NEK2: variants seen among roughly 807,000 people sequenced by gnomAD.
NEK2 encodes the protein serine/threonine-protein kinase Nek2.
In NEK2, 28 loss-of-function variants were observed where a neutral mutation model predicts 54.1. That is an observed-to-expected ratio of 0.52 (90% confidence interval 0.38 to 0.71). The LOEUF is 0.71. NEK2 is among the 30% of genes least tolerant of loss of function. The pLI is 0.00. For missense variants in NEK2, 407 were observed against 531.5 expected (o/e 0.77, Z 2.30); for synonymous variants, 176 against 193.1 (o/e 0.91, Z 0.73).
At chr1:211,662,601 T>C (rs1445764052), downstream of NEK2, among the ~76,000 whole-genome samples, 1 of 152,256 alleles carries the variant, frequency 6.6e-6, no homozygotes, top group East Asian at 1.9e-4. This position sits in a 1 kb window ranked among gnomAD's most constrained non-coding sequence, Gnocchi z 4.2. Context: ...ACCACTGGCT[T>C]ACATACATGG....
downstream of NEK2, chr1:211,661,164 TCA>T: frequency 1.4e-6 from 1 of 739,778 alleles, no homozygotes; most frequent in South Asian, 1.4e-5. Flanking sequence ...CATCTCATCC[TCA>T]GTCAGCACCC....
At chr1:211,672,828 CAT>C (rs1335662724) in intron 3 of NEK2, among the ~76,000 whole-genome samples, 1 of 152,096 alleles carries the variant, frequency 6.6e-6, no homozygotes, top group Non-Finnish European at 1.5e-5. Context: ...TTTAATGCAT[CAT>C]AGTCATTCCA....
Position 211,675,485 on chromosome 1 carries a change from G to T in NEK2, c.-6C>A. The T allele has an allele frequency of 6.2e-7, 1 of 1,611,694 alleles. No individual in the cohort carries two copies. The highest frequency in any genetic ancestry group is 1.9e-4 in the Middle Eastern group (1 of 5,168). On this transcript the variant is annotated 5_prime_UTR_variant, in exon 1 of 8. Transcript: ENST00000366999. ...TCCTCAGCCCGGGAAGGCATGGCCG[G>T]CCAGTCGCCAGAGTCGCGCTGCCTC...
In NEK2 at chr1:211,671,217, TCATACA is replaced by T. The variant is rs1655377354; in HGVS notation, c.617_622del (p.Leu206_Glu208delinsGln). On this transcript the variant is annotated inframe_deletion, in exon 4 of 8. Transcript: ENST00000366999. ...TCATACTTACATTAATGCACATAAC[TCATACA>T]GCAAGCAGCCCAATGACCAGATATC... 4 of 1,612,314 alleles carry T rather than the reference TCATACA, an allele frequency of 2.5e-6. No homozygotes were observed. In the East Asian group the frequency reaches 8.9e-5, roughly 36 times the overall value.
downstream of NEK2, chr1:211,660,865 T>G: frequency 4.2e-6 from 3 of 719,282 alleles, no homozygotes; most frequent in South Asian, 1.4e-5. Context: ...CATAGCATCA[T>G]TGACAGCATC....
intron 3 of NEK2, 125 bp downstream of exon 3, chr1:211,673,358 G>A: frequency 1.7e-6 from 2 of 1,144,136 alleles, no homozygotes; most frequent in East Asian, 2.6e-5. Flanking sequence ...AGATTGCAGT[G>A]AGCCCAGATC....
At chr1:211,673,435 CAAAAAT>C in intron 3 of NEK2, 42 bp downstream of exon 3, 1 of 1,605,690 alleles carries the variant, frequency 6.2e-7, no homozygotes, top group Non-Finnish European at 8.5e-7. Context: ...AACAAGAAAA[CAAAAAT>C]AAAAGATGTT....
intron 7 of NEK2, chr1:211,666,402 A>C (rs1655179277): frequency 1.4e-6 from 1 of 700,002 alleles, no homozygotes; most frequent in Non-Finnish European, 1.8e-6. Context: ...GCTTTCTATG[A>C]AAAATGAGGC....
chr1:211,673,406 T>G, intron 3 of NEK2, 77 bp downstream of exon 3: 1 of 1,565,920 alleles, frequency 6.4e-7, no homozygotes, highest in Non-Finnish European at 8.7e-7. Context: ...AGAGCGAGAC[T>G]CTGTCTCAAA....
chr1:211,667,363 A>T (rs1362602586), intron 6 of NEK2, 132 bp from the exon 7 acceptor site: 2 of 768,010 alleles, frequency 2.6e-6, no homozygotes, highest in Non-Finnish European at 2.0e-6. Context: ...AAGGATTCTC[A>T]CTATGCCTCA....
intron 3 of NEK2, 25 bp from the exon 4 acceptor site, chr1:211,671,309 A>G (rs1490770674): frequency 6.5e-7 from 1 of 1,533,872 alleles, no homozygotes; most frequent in Non-Finnish European, 9.0e-7. Context: ...AGGGTAAGAA[A>G]GTGGAAGGTG....
intron 7 of NEK2, chr1:211,666,723 C>T (rs904570947): frequency 5.8e-5 from 18 of 310,514 alleles, no homozygotes; most frequent in Non-Finnish European, 2.8e-5. Flanking sequence ...GGCGTGAACC[C>T]GGGAGGCAGA....
At chr1:211,659,062 T>G (rs1321422699), downstream of NEK2, among the ~76,000 whole-genome samples, 2 of 152,186 alleles carry the variant, frequency 1.3e-5, no homozygotes, top group Non-Finnish European at 2.9e-5. Context: ...GCTGTGACAA[T>G]GTACTTTCAT....
rs533767848 is a variant in NEK2, at chr1:211,669,236, G to T, written c.862C>A (p.Arg288=). 9 of 1,613,980 alleles carry T rather than the reference G, an allele frequency of 5.6e-6. No individual in the cohort carries two copies. The highest frequency in any genetic ancestry group is 3.3e-5 in the South Asian group (3 of 91,072). ...EQRRNLERRG[R]QLGEPEKSQD... is the part of the protein sequence containing the mutation. ...GATTTTTCTGGCTCTCCTAATTGTC[G>T]CCCTCTTCTCTCAAGATTTCTTCTT... The change falls in exon 6 of 8, where the codon CGA becomes AGA. Residue 288 remains arginine, a synonymous_variant. Transcript: ENST00000366999.
chr1:211,666,690 T>C (rs868100185), intron 7 of NEK2: 54 of 263,950 alleles, frequency 2.0e-4, no homozygotes, highest in Non-Finnish European at 7.0e-5. Context: ...TCCCAGCTAC[T>C]TGGGAGGCTG....
downstream of NEK2, chr1:211,660,768 C>T: frequency 1.4e-6 from 1 of 692,234 alleles, no homozygotes; most frequent in Non-Finnish European, 2.7e-6. Context: ...GATAGGAACT[C>T]TGCAGGAAGA....
rs149282984 is a variant in NEK2 at position 211,674,381 on chromosome 1, G to T, written c.229C>A (p.Arg77=). The T allele has an allele frequency of 1.9e-6, 3 of 1,614,020 alleles. No homozygotes were observed. The East Asian group carries it at 6.7e-5, about 36-fold the overall frequency. Reference sequence around the variant, plus strand: ...ACAATGTACAGTGTTGTATTGGTCCGGTCAATAATCCGATCATAGTAACGA... The same window carrying T: ...ACAATGTACAGTGTTGTATTGGTCCTGTCAATAATCCGATCATAGTAACGA... ...IVRYYDRIID[R]TNTTLYIVME... Residue 77 remains arginine, a synonymous_variant, in exon 2 of 8, where the codon CGG becomes AGG. Coordinates refer to ENST00000366999, the MANE Select transcript of NEK2 (RefSeq NM_002497.4).
chr1:211,660,993 C>G (rs1232868464), downstream of NEK2: 2 of 742,420 alleles, frequency 2.7e-6, no homozygotes, highest in Non-Finnish European at 5.0e-6. Flanking sequence ...ACCAACCCAC[C>G]ATCAGGGCCC....
At chr1:211,659,753 C>A (rs12037104), downstream of NEK2, among the ~76,000 whole-genome samples, 1 of 151,926 alleles carries the variant, frequency 6.6e-6, no homozygotes, top group East Asian at 1.9e-4. Flanking sequence ...CCAAGGCAGG[C>A]GAATGATACA....
Sources: gnomAD v4.1 joint callset for allele counts (sites outside exome capture counted in the v4.1 genomes callset) on GRCh38, gnomAD v4.1.1 for gene constraint, Gnocchi (gnomAD v3.1) non-coding constraint, MANE v1.5 for transcripts, NCBI Gene and HGNC (gene_info 2026-07-23, HGNC 2026-07-21) for gene names.